Variants in CA2 observed in about 807,000 individuals in gnomAD.
CA2 encodes the protein carbonate dehydratase II.
A neutral mutation model predicts 27.8 loss-of-function variants in CA2; 23 were observed. That is an observed-to-expected ratio of 0.83 (90% CI 0.59 to 1.17). The LOEUF (loss-of-function observed/expected upper bound fraction) is 1.17, where lower values mean the gene tolerates loss of function less well. Among genes scored for constraint, CA2 ranks in the 50% most tolerant of loss-of-function variants. The probability of loss-of-function intolerance (pLI) is 0.00; values close to 1 mark genes in which losing one functional copy is unlikely to be tolerated. For synonymous variants in CA2, 99 were observed against 114.9 expected, an observed-to-expected ratio of 0.86 and a Z score of 0.88; for missense variants, 300 against 314.7, an observed-to-expected ratio of 0.95 and a Z score of 0.35.
intron 5 of CA2, 64 bp downstream of exon 5, chr8:85,475,924 A>T (rs1811791568): frequency 7.3e-7 from 1 of 1,362,328 alleles, no homozygotes; most frequent in Non-Finnish European, 1.0e-6. Context: ...TGGTTTTAGA[A>T]ATTTCTTTTG....
chr8:85,472,277 G>A (rs1232688709), intron 2 of CA2, among the ~76,000 whole-genome samples: 1 of 152,136 alleles, frequency 6.6e-6, no homozygotes, highest in South Asian at 2.1e-4. Context: ...AGCAACAAAT[G>A]TTTAATTCCC....
chr8:85,475,686 A>G, intron 4 of CA2, 112 bp from the exon 5 acceptor site: 1 of 894,844 alleles, frequency 1.1e-6, no homozygotes, highest in Non-Finnish European at 1.8e-6. Flanking sequence ...TATGAAGTGG[A>G]GAATTTGGGC....
intron 2 of CA2, among the ~76,000 whole-genome samples, chr8:85,471,138 A>T (rs75424231): frequency 6.6e-6 from 1 of 152,126 alleles, no homozygotes; most frequent in African/African-American, 2.4e-5. Flanking sequence ...AAAAAGTTTG[A>T]GTTTATGGCA....
intron 2 of CA2, among the ~76,000 whole-genome samples, chr8:85,472,349 A>G (rs984681743): frequency 3.3e-5 from 5 of 152,210 alleles, no homozygotes; most frequent in Admixed American, 2.0e-4. Flanking sequence ...TTTTGAATAT[A>G]TTGGTTAAAT....
intron 2 of CA2, among the ~76,000 whole-genome samples, chr8:85,469,943 T>TA (rs748942656): frequency 3.9e-5 from 6 of 152,180 alleles, no homozygotes; most frequent in Non-Finnish European, 8.8e-5. Flanking sequence ...TTTGAAGCTC[T>TA]AAAAGTTTTC....
At chr8:85,474,502 CA>C in intron 4 of CA2, 86 bp downstream of exon 4, 1 of 1,014,036 alleles carries the variant, frequency 9.9e-7, no homozygotes, top group East Asian at 2.4e-5. Flanking sequence ...GGACATTCTA[CA>C]AAAGAGCTTA....
At chr8:85,469,382 G>T (rs369193600) in intron 2 of CA2, among the ~76,000 whole-genome samples, 1 of 152,136 alleles carries the variant, frequency 6.6e-6, no homozygotes, top group South Asian at 2.1e-4. Context: ...AACTGAGCGG[G>T]TTGACTTTAT....
chr8:85,477,392 A>G (rs984107192), intron 6 of CA2, 117 bp downstream of exon 6: 4 of 1,167,952 alleles, frequency 3.4e-6, no homozygotes, highest in Admixed American at 1.7e-5. Flanking sequence ...ACTTCTTGCT[A>G]TGGAAATAGT....
At chr8:85,477,030 G>C in intron 5 of CA2, 90 bp from the exon 6 acceptor site, 1 of 1,223,724 alleles carries the variant, frequency 8.2e-7, no homozygotes, top group Non-Finnish European at 1.2e-6. Flanking sequence ...CCATCAGAGG[G>C]GAGTATACCT....
Position 85,481,347 on chromosome 8 carries a change from G to A in CA2, c.*558G>A, listed in dbSNP as rs2130571404. On this transcript the variant is annotated 3_prime_UTR_variant, in exon 7 of 7. Coordinates refer to ENST00000285379, the MANE Select transcript of CA2 (RefSeq NM_000067.3). ...ATTCTGTTGTAATTTAATGACTTTT[G>A]AATTACAGAGATATAAATGAAGTAT... 1 of 153,468 alleles carries A rather than the reference G, an allele frequency of 6.5e-6. No homozygotes were observed. Among genetic ancestry groups the A allele is most frequent in the East Asian group, 1.9e-4 (1 of 5,194 alleles). 9.5% of individuals were successfully genotyped at this position (153,468 alleles called of 1,614,324 possible). A position where few individuals can be genotyped will look rare whatever the true frequency, so the allele number is the denominator to read the frequency against.
chr8:85,474,231 G>A, intron 3 of CA2, 93 bp from the exon 4 acceptor site: 2 of 943,408 alleles, frequency 2.1e-6, no homozygotes, highest in Non-Finnish European at 3.5e-6. Context: ...AATTTCCTGA[G>A]TAACCTTTAT....
intron 2 of CA2, among the ~76,000 whole-genome samples, chr8:85,471,882 G>GT (rs1259080254): frequency 6.6e-6 from 1 of 152,150 alleles, no homozygotes; most frequent in East Asian, 1.9e-4. Flanking sequence ...ACAAACTGTT[G>GT]TAATAAGTTG....
rs776998261 is a variant in CA2, at chr8:85,473,861, ATATTT to A, written c.351+51_351+55del. On this transcript the variant is annotated intron_variant, in intron 3 of 6. Coordinates refer to ENST00000285379, the MANE Select transcript of CA2 (RefSeq NM_000067.3). ...TCCAGGGAAAAATGTTTATAAGTTG[ATATTT>A]AGCATTAATTTCAAAAGCTTAATTT... 6 of 1,004,038 alleles carry A rather than the reference ATATTT, an allele frequency of 6.0e-6. 1 individual carries two copies. The South Asian group carries it at 7.7e-5, about 13-fold the overall frequency. 62.2% of individuals were successfully genotyped at this position (1,004,038 alleles called of 1,614,324 possible). A position where few individuals can be genotyped will look rare whatever the true frequency, so the allele number is the denominator to read the frequency against.
intron 6 of CA2, 38 bp downstream of exon 6, chr8:85,477,313 C>A (rs1348917121): frequency 1.2e-6 from 2 of 1,612,860 alleles, no homozygotes; most frequent in South Asian, 1.1e-5. Context: ...ACGGGTGGAG[C>A]ATTTAGTCAA....
chr8:85,478,390 G>A (rs965461884), intron 6 of CA2, among the ~76,000 whole-genome samples: 1 of 152,188 alleles, frequency 6.6e-6, no homozygotes, highest in African/African-American at 2.4e-5. Context: ...TAACATATTT[G>A]AGTAAGCTTC....
At chr8:85,474,187 A>G in intron 3 of CA2, 137 bp from the exon 4 acceptor site, 1 of 754,612 alleles carries the variant, frequency 1.3e-6, no homozygotes, top group East Asian at 2.6e-5. Context: ...TTAAAATGAA[A>G]GGAAAATTTT....
chr8:85,476,105 A>G (rs1811795247), intron 5 of CA2, among the ~76,000 whole-genome samples: 1 of 152,198 alleles, frequency 6.6e-6, no homozygotes, highest in African/African-American at 2.4e-5. Flanking sequence ...TTGGACATCC[A>G]TATGTAAGAG....
chr8:85,475,092 G>GT (rs747388475), intron 4 of CA2, among the ~76,000 whole-genome samples: 1 of 152,112 alleles, frequency 6.6e-6, no homozygotes, highest in Non-Finnish European at 1.5e-5. Flanking sequence ...AGGATAGTTT[G>GT]AGGCCAGGAG....
At chr8:85,480,558 C>T (rs1275953036) in intron 6 of CA2, 112 bp from the exon 7 acceptor site, 49 of 1,037,604 alleles carry the variant, frequency 4.7e-5, no homozygotes, top group Non-Finnish European at 4.3e-5. Flanking sequence ...GCTGGGATTA[C>T]AGGCATGAGC....
Sources: gnomAD v4.1 joint callset for allele counts (sites outside exome capture counted in the v4.1 genomes callset) on GRCh38, gnomAD v4.1.1 for gene constraint, MANE v1.5 for transcripts, NCBI Gene and HGNC (gene_info 2026-07-23, HGNC 2026-07-21) for gene names.